NTN1: variants seen among roughly 807,000 people sequenced by gnomAD.
NTN1 encodes netrin-1.
In NTN1, 11 loss-of-function variants were observed where a neutral mutation model predicts 54.2. That is an observed-to-expected ratio of 0.20 (90% CI 0.13 to 0.34). NTN1 has a LOEUF of 0.34. NTN1 is among the 10% of genes least tolerant of loss of function. The pLI, the probability that NTN1 is intolerant of heterozygous loss-of-function variation, is 1.00. For synonymous variants in NTN1, 371 were observed against 382.0 expected (o/e 0.97, Z 0.33); for missense variants, 740 against 893.1 (o/e 0.83, Z 2.18).
At chr17:9,101,028 T>A (rs1237096385) in intron 2 of NTN1, among the ~76,000 whole-genome samples, 1 of 152,226 alleles carries the variant, frequency 6.6e-6, no homozygotes, top group African/African-American at 2.4e-5. Context: ...TGAAGTTGCC[T>A]TGATTCTGTA....
chr17:9,060,652 C>T (rs2091994398), intron 2 of NTN1, among the ~76,000 whole-genome samples: 1 of 152,142 alleles, frequency 6.6e-6, no homozygotes, highest in Non-Finnish European at 1.5e-5. Flanking sequence ...ATCTGTTTTG[C>T]CATTAGCCAG....
At chr17:9,107,185 C>T (rs571230706) in intron 2 of NTN1, among the ~76,000 whole-genome samples, 31 of 152,296 alleles carry the variant, frequency 2.0e-4, no homozygotes, top group Admixed American at 3.3e-4. Flanking sequence ...CCTTTAAGCG[C>T]CAAATTTGTT....
chr17:9,188,490 C>A (rs10569851), intron 5 of NTN1, among the ~76,000 whole-genome samples: 174 of 3,784 alleles, frequency 0.046, 17 homozygotes, highest in East Asian at 0.18. Context: ...AAAATAAAAA[C>A]AAAAAAGTCA....
Position 9,022,412 on chromosome 17 carries a change from G to T in NTN1, c.39G>T (p.Ala13=). ...TGTGGGAGGCGCTGGCGGCGCTGGCGGCGGTGGCGTGCCTGGTGGGCGCGG... is the reference window on the plus strand; with the variant it reads ...TGTGGGAGGCGCTGGCGGCGCTGGCTGCGGTGGCGTGCCTGGTGGGCGCGG... The part of the protein sequence containing the change: ...RAVWEALAAL[A]AVACLVGAVR... Residue 13 remains alanine (A), a synonymous_variant, in exon 2 of 7, where the codon GCG becomes GCT. Transcript: ENST00000173229. 7.5e-7 allele frequency: 1 copy of T among 1,340,494 alleles called. No individual in the cohort carries two copies. 83.0% of individuals were successfully genotyped at this position (1,340,494 alleles called of 1,614,324 possible).
chr17:9,203,172 T>C (rs937505540), intron 5 of NTN1, among the ~76,000 whole-genome samples: 3 of 152,058 alleles, frequency 2.0e-5, no homozygotes, highest in East Asian at 1.9e-4. Context: ...CCGCCTGCCT[T>C]GGCCTCCCAA....
chr17:9,024,792 C>T (rs569988847), intron 2 of NTN1, among the ~76,000 whole-genome samples: 46 of 152,320 alleles, frequency 3.0e-4, no homozygotes, highest in African/African-American at 1.1e-3. Flanking sequence ...AATTGTTTGT[C>T]CCCTTTCTTT....
chr17:9,204,068 C>T (rs1473516429), intron 5 of NTN1, among the ~76,000 whole-genome samples: 1 of 152,124 alleles, frequency 6.6e-6, no homozygotes, highest in African/African-American at 2.4e-5. Context: ...TGAGGCTCAG[C>T]TGATGGCAGT....
At chr17:9,037,009 T>C (rs1408027972) in intron 2 of NTN1, among the ~76,000 whole-genome samples, 1 of 152,222 alleles carries the variant, frequency 6.6e-6, no homozygotes, top group African/African-American at 2.4e-5. Flanking sequence ...GTTCGCTAGC[T>C]GGTCTTCTCT....
chr17:9,066,415 T>G lies in NTN1; in HGVS notation c.1018+43024T>G, dbSNP rs1447880367. 3.3e-5 allele frequency among the ~76,000 whole-genome samples: 5 copies of G among 151,190 alleles called. No individual in the cohort carries two copies. The East Asian group carries it at 7.9e-4, about 24-fold the overall frequency. ...AGGCTGAGGTGGGCGGATCACAAGG[T>G]CAGGAGTCTGAGACCAGCCTGGCCA... On this transcript the variant is annotated intron_variant, in intron 2 of 6. Transcript: ENST00000173229.
Position 9,135,521 on chromosome 17 carries a change from C to T in NTN1, c.1019-27292C>T, listed in dbSNP as rs2092278074. 6.6e-6 allele frequency among the ~76,000 whole-genome samples: 1 copy of T among 152,240 alleles called. No homozygotes were observed. Among genetic ancestry groups the T allele is most frequent in the Non-Finnish European group, 1.5e-5 (1 of 68,052 alleles). Reference sequence around the variant, plus strand: ...CCACTTAGTCCTCTTGACCATGAGACTCTCCTAAGTTCTGAATGCAGAGGA... The same window carrying T: ...CCACTTAGTCCTCTTGACCATGAGATTCTCCTAAGTTCTGAATGCAGAGGA... On this transcript the variant is annotated intron_variant, in intron 2 of 6. Coordinates refer to ENST00000173229, the MANE Select transcript of NTN1 (RefSeq NM_004822.3). The surrounding 1 kb of genome is among the most constrained non-coding windows in gnomAD (Gnocchi z 4.4).
intron 2 of NTN1, among the ~76,000 whole-genome samples, chr17:9,105,826 A>T (rs924199952): frequency 1.3e-5 from 2 of 152,016 alleles, no homozygotes; most frequent in African/African-American, 4.8e-5. Flanking sequence ...TGAGCTGGAT[A>T]AGTAGGCAGC....
intron 5 of NTN1, among the ~76,000 whole-genome samples, chr17:9,201,550 A>T (rs181956920): frequency 6.6e-6 from 1 of 152,212 alleles, no homozygotes; most frequent in Non-Finnish European, 1.5e-5. Context: ...GTTGGCTTCC[A>T]GGAATAGAGC....
At chr17:9,038,924 A>G (rs753111477) in intron 2 of NTN1, among the ~76,000 whole-genome samples, 10 of 152,202 alleles carry the variant, frequency 6.6e-5, no homozygotes, top group Non-Finnish European at 1.5e-4. Flanking sequence ...CACATCTGGA[A>G]TTAATCGTGA....
intron 2 of NTN1, among the ~76,000 whole-genome samples, chr17:9,092,453 A>C (rs2092114784): frequency 6.8e-6 from 1 of 147,866 alleles, no homozygotes. Flanking sequence ...ATGCCTGGGT[A>C]ATTTTTGTAT....
chr17:9,205,426 G>A lies in NTN1; in HGVS notation c.1412-15742G>A, dbSNP rs564937484. Among the ~76,000 whole-genome samples the A allele has an allele frequency of 7.9e-5, 12 of 152,356 alleles. No individual in the cohort carries two copies. In the East Asian group the frequency reaches 2.3e-3, roughly 29 times the overall value. On this transcript the variant is annotated intron_variant, in intron 5 of 6. Coordinates refer to ENST00000173229, the MANE Select transcript of NTN1 (RefSeq NM_004822.3). The stretch of plus-strand genomic sequence containing the variant: ...GAGGATCACTTGAGCCTGAGACTTC[G>A]AGACCAGCCTGGGCAACATAGTGAG...
chr17:9,161,596 G>A (rs2092357217), intron 2 of NTN1, among the ~76,000 whole-genome samples: 1 of 152,046 alleles, frequency 6.6e-6, no homozygotes, highest in African/African-American at 2.4e-5. Flanking sequence ...TGACCAACAT[G>A]GTGAAACCCC....
chr17:9,110,045 C>T (rs2092184688), intron 2 of NTN1, among the ~76,000 whole-genome samples: 1 of 152,116 alleles, frequency 6.6e-6, no homozygotes, highest in African/African-American at 2.4e-5. Flanking sequence ...ATTATTTTCT[C>T]CCAGTCTGTT....
intron 2 of NTN1, among the ~76,000 whole-genome samples, chr17:9,038,662 G>A (rs1295659334): frequency 6.6e-6 from 1 of 151,908 alleles, no homozygotes; most frequent in Non-Finnish European, 1.5e-5. Context: ...CCTCCCTGCT[G>A]TTCCCTCCCT....
At chr17:9,067,674 T>A (rs1201652458) in intron 2 of NTN1, among the ~76,000 whole-genome samples, 1 of 152,132 alleles carries the variant, frequency 6.6e-6, no homozygotes, top group Non-Finnish European at 1.5e-5. Flanking sequence ...CTTCCTCACT[T>A]CTTCAGTCGC....
Sources: gnomAD v4.1 joint callset for allele counts (sites outside exome capture counted in the v4.1 genomes callset) on GRCh38, gnomAD v4.1.1 for gene constraint, Gnocchi (gnomAD v3.1) non-coding constraint, MANE v1.5 for transcripts, NCBI Gene and HGNC (gene_info 2026-07-23, HGNC 2026-07-21) for gene names.